The following AFG2A variants were observed in gnomAD, a reference collection of about 807,000 sequenced individuals.
The protein encoded by AFG2A is ATPase family gene 2 protein homolog A.
At chr4:122,989,008 T>C in the AFG2A span, among the ~76,000 whole-genome samples, 1 of 152,208 alleles carries the variant, frequency 6.6e-6, no homozygotes, top group Non-Finnish European at 1.5e-5. Flanking sequence ...ATTCTTCATT[T>C]TTTTCATGCA....
At chr4:123,036,850 A>G in the AFG2A span, among the ~76,000 whole-genome samples, 4 of 152,056 alleles carry the variant, frequency 2.6e-5, no homozygotes, top group South Asian at 2.1e-4. Flanking sequence ...TGCCCACAGC[A>G]TTCTTGCCTA....
At chr4:123,091,853 C>CT in the AFG2A span, among the ~76,000 whole-genome samples, 1 of 152,138 alleles carries the variant, frequency 6.6e-6, no homozygotes, top group African/African-American at 2.4e-5. Flanking sequence ...ACCAGTTTCT[C>CT]TTTTTTGTTG....
the AFG2A span, among the ~76,000 whole-genome samples, chr4:122,937,022 C>T: frequency 6.6e-6 from 1 of 152,002 alleles, no homozygotes; most frequent in East Asian, 1.9e-4. Context: ...CATGGTAGCA[C>T]ATGCCTGTAG....
chr4:123,272,328 T>C, the AFG2A span, among the ~76,000 whole-genome samples: 1 of 148,000 alleles, frequency 6.8e-6, no homozygotes. Context: ...TTTTCAGGTG[T>C]TTGTTATTTG....
chr4:123,016,870 G>A, the AFG2A span, among the ~76,000 whole-genome samples: 3 of 152,194 alleles, frequency 2.0e-5, no homozygotes, highest in Non-Finnish European at 2.9e-5. Flanking sequence ...CTGCAATCCC[G>A]GCACCTCGGG....
At chr4:123,114,357 C>T in the AFG2A span, among the ~76,000 whole-genome samples, 1 of 152,208 alleles carries the variant, frequency 6.6e-6, no homozygotes, top group African/African-American at 2.4e-5. Context: ...AGGAACCTGT[C>T]TGCATCCTGC....
chr4:123,029,295 A>G, the AFG2A span, among the ~76,000 whole-genome samples: 2 of 152,022 alleles, frequency 1.3e-5, no homozygotes, highest in Admixed American at 1.3e-4. Flanking sequence ...TGTGGTCTTG[A>G]TCTCCTGACC....
At chr4:123,115,064 C>T in the AFG2A span, among the ~76,000 whole-genome samples, 2 of 152,200 alleles carry the variant, frequency 1.3e-5, no homozygotes, top group African/African-American at 4.8e-5. Flanking sequence ...GCCACTGCTG[C>T]TCTCACAGTT....
At chr4:123,103,911 T>G in the AFG2A span, among the ~76,000 whole-genome samples, 431 of 152,226 alleles carry the variant, frequency 2.8e-3, 2 homozygotes, top group African/African-American at 9.9e-3. Context: ...TACACTATAC[T>G]GACATTGTGA....
chr4:123,031,787 T>C, the AFG2A span, among the ~76,000 whole-genome samples: 5 of 152,370 alleles, frequency 3.3e-5, no homozygotes, highest in South Asian at 1.0e-3. Context: ...AAGAACCTTT[T>C]AGCTTCCTCT....
At chr4:123,314,819 G>A in the AFG2A span, 1 of 148,796 alleles carries the variant, frequency 6.7e-6, no homozygotes, top group Non-Finnish European at 1.5e-5. Flanking sequence ...GCAGTGGCAC[G>A]ATCTTGGCTC....
At chr4:122,938,339 T>C in the AFG2A span, 2 of 1,308,292 alleles carry the variant, frequency 1.5e-6, no homozygotes, top group Admixed American at 3.0e-5. Flanking sequence ...TCAGAGTCTT[T>C]GGATATTTTA....
chr4:123,005,767 C>T, the AFG2A span, among the ~76,000 whole-genome samples: 138,205 of 152,254 alleles, frequency 0.91, 62,954 homozygotes, highest in East Asian at 0.96. Flanking sequence ...TTAAGTGTTA[C>T]TATACCATGT....
At chr4:123,287,666 T>C in the AFG2A span, among the ~76,000 whole-genome samples, 1 of 152,202 alleles carries the variant, frequency 6.6e-6, no homozygotes, top group Non-Finnish European at 1.5e-5. Context: ...GATAAGGTTC[T>C]AGGCACTAGC....
the AFG2A span, among the ~76,000 whole-genome samples, chr4:123,042,209 CTA>C: frequency 3.3e-3 from 507 of 152,280 alleles, 3 homozygotes; most frequent in Middle Eastern, 0.014. Context: ...CAACAGAAAT[CTA>C]TTTCTCACAA....
the AFG2A span, among the ~76,000 whole-genome samples, chr4:123,143,979 A>G: frequency 6.6e-6 from 1 of 151,982 alleles, no homozygotes; most frequent in Non-Finnish European, 1.5e-5. Context: ...GTAATGCTAT[A>G]TAATGTTTTC....
the AFG2A span, among the ~76,000 whole-genome samples, chr4:123,117,837 G>C: frequency 6.7e-6 from 1 of 149,774 alleles, no homozygotes; most frequent in East Asian, 2.1e-4. Context: ...ACCACCAAAA[G>C]TCCTTGGGGT....
At chr4:123,186,139 AT>A in the AFG2A span, among the ~76,000 whole-genome samples, 2 of 152,232 alleles carry the variant, frequency 1.3e-5, no homozygotes, top group Non-Finnish European at 2.9e-5. Flanking sequence ...TTAGTCATGC[AT>A]TCATGATAAG....
the AFG2A span, among the ~76,000 whole-genome samples, chr4:123,211,249 A>G: frequency 6.6e-6 from 1 of 152,252 alleles, no homozygotes; most frequent in East Asian, 1.9e-4. Flanking sequence ...TGCATTTTCA[A>G]CCTGTATCCC....
Sources: allele counts gnomAD v4.1 joint callset (sites outside exome capture counted in the v4.1 genomes callset), GRCh38; gene constraint gnomAD v4.1.1; transcripts MANE v1.5; gene names NCBI Gene and HGNC (gene_info 2026-07-23, HGNC 2026-07-21).